The following RARB variants were observed in gnomAD, a reference collection of about 807,000 sequenced individuals.
RARB encodes HBV-activated protein.
A neutral mutation model predicts 51.9 loss-of-function variants in RARB; 17 were observed. That is an observed-to-expected ratio of 0.33 (90% CI 0.22 to 0.49). The LOEUF (loss-of-function observed/expected upper bound fraction) is 0.49, where lower values mean the gene tolerates loss of function less well. Among genes scored for constraint, RARB ranks in the 20% least tolerant of loss-of-function variants. The pLI, the probability that RARB is intolerant of heterozygous loss-of-function variation, is 0.99. For synonymous variants in RARB, 215 were observed against 195.4 expected (o/e 1.10, Z -0.84); for missense variants, 369 against 550.8 (o/e 0.67, Z 3.30).
intron 2 of RARB, among the ~76,000 whole-genome samples, chr3:24,928,157 G>A (rs1265407359): frequency 6.6e-6 from 1 of 151,930 alleles, no homozygotes; most frequent in Admixed American, 6.6e-5. Flanking sequence ...TATGCCATTG[G>A]AAGTCAGCAG....
intron 2 of RARB, among the ~76,000 whole-genome samples, chr3:25,049,000 C>T (rs1294559890): frequency 6.6e-6 from 1 of 152,134 alleles, no homozygotes; most frequent in Non-Finnish European, 1.5e-5. Context: ...GATCCACCTG[C>T]CTCGGCCTCC....
intron 1 of RARB, among the ~76,000 whole-genome samples, chr3:24,840,399 C>A (rs932889306): frequency 2.6e-5 from 4 of 152,168 alleles, no homozygotes; most frequent in Non-Finnish European, 4.4e-5. Context: ...CTATTGCCCC[C>A]TTAGCTGAGG....
At chr3:25,263,812 T>G (rs569971965) in intron 5 of RARB, among the ~76,000 whole-genome samples, 37 of 152,320 alleles carry the variant, frequency 2.4e-4, no homozygotes, top group African/African-American at 8.9e-4. Flanking sequence ...TTACAGCATC[T>G]GCCTTTGATG....
intron 5 of RARB, among the ~76,000 whole-genome samples, chr3:25,356,988 T>C (rs1559369981): frequency 3.9e-5 from 6 of 152,196 alleles, no homozygotes; most frequent in Admixed American, 2.6e-4. Context: ...TGTGCATGTG[T>C]CTTTGTAGTA....
At chr3:24,861,666 A>G (rs1702750852) in intron 2 of RARB, among the ~76,000 whole-genome samples, 1 of 151,486 alleles carries the variant, frequency 6.6e-6, no homozygotes, top group Admixed American at 6.6e-5. Context: ...TTTCCCCCAC[A>G]GTTCTGTAGG....
chr3:24,862,755 A>G lies in RARB; in HGVS notation c.-380+4003A>G, dbSNP rs138392601. 5.3e-3 allele frequency among the ~76,000 whole-genome samples: 802 copies of G among 152,324 alleles called. 8 individuals are homozygous for G. Among genetic ancestry groups the G allele is most frequent in the African/African-American group, 0.018 (738 of 41,570 alleles). ...GAGGGGGCTACTCTACTAAACCTGA[A>G]GTAGAATTAAGATATCATCTTTATA... On this transcript the variant is annotated intron_variant, in intron 2 of 11. Coordinates refer to the RARB transcript ENST00000383772.
Position 25,597,516 on chromosome 3 carries a change from G to T in RARB, c.*900G>T, listed in dbSNP as rs1472423455. 2 of 152,622 alleles carry T rather than the reference G, an allele frequency of 1.3e-5. No homozygotes were observed. The highest frequency in any genetic ancestry group is 4.8e-5 in the African/African-American group (2 of 41,446). The allele number at this position is 152,622 out of a possible 1,614,324, so 9.5% of individuals were successfully genotyped here. ...TCACAAGCCATTAGGGAAATTTCAT[G>T]GGATAATTAGCAGGCTGGTCTACCA... is the stretch of plus-strand genomic sequence containing the variant. On this transcript the variant is annotated 3_prime_UTR_variant, in exon 8 of 8. Coordinates refer to ENST00000330688, the MANE Select transcript of RARB (RefSeq NM_000965.5).
intron 3 of RARB, among the ~76,000 whole-genome samples, chr3:25,532,191 A>G (rs561649966): frequency 1.9e-4 from 29 of 152,344 alleles, no homozygotes; most frequent in African/African-American, 6.0e-4. Flanking sequence ...TAGAAAGTCT[A>G]CACATTCCAT....
Position 24,917,608 on chromosome 3 carries a change from G to GCAAC in RARB, c.-380+58858_-380+58861dup, listed in dbSNP as rs773079452. ...TACAGTGGTGCGATCTCTGCTCACT[G>GCAAC]CAACCTCTGCCTCCTGGGTTCAAGC... is the stretch of plus-strand genomic sequence containing the variant. On this transcript the variant is annotated intron_variant, in intron 2 of 11. Coordinates refer to the RARB transcript ENST00000383772. Among the ~76,000 whole-genome samples, 537 of 152,302 alleles carry GCAAC rather than the reference G, an allele frequency of 3.5e-3. 6 individuals are homozygous for GCAAC. Among genetic ancestry groups the GCAAC allele is most frequent in the Non-Finnish European group, 8.1e-4 (55 of 68,028 alleles).
At chr3:25,153,768 C>G (rs1010706308) in intron 4 of RARB, among the ~76,000 whole-genome samples, 2 of 152,110 alleles carry the variant, frequency 1.3e-5, no homozygotes, top group South Asian at 4.2e-4. Context: ...ATAACTTGCC[C>G]AGCCCTGTTT....
chr3:25,266,631 T>G (rs1468199911), intron 5 of RARB, among the ~76,000 whole-genome samples: 1 of 152,198 alleles, frequency 6.6e-6, no homozygotes, highest in Non-Finnish European at 1.5e-5. Context: ...CCCTGCAAAA[T>G]TCCTGTGTTG....
intron 4 of RARB, among the ~76,000 whole-genome samples, chr3:25,154,420 C>G (rs1350383135): frequency 2.0e-5 from 3 of 152,174 alleles, no homozygotes; most frequent in Non-Finnish European, 4.4e-5. Context: ...CTGTGCTACC[C>G]TCATTAATGT....
At chr3:25,132,836 T>G (rs1699974688) in intron 4 of RARB, among the ~76,000 whole-genome samples, 1 of 151,958 alleles carries the variant, frequency 6.6e-6, no homozygotes, top group Non-Finnish European at 1.5e-5. Context: ...TTGTACCCCA[T>G]AAATATATAT....
chr3:25,342,015 G>T (rs955931173), intron 5 of RARB, among the ~76,000 whole-genome samples: 6 of 152,148 alleles, frequency 3.9e-5, no homozygotes, highest in Non-Finnish European at 7.4e-5. Context: ...TATGTATCTT[G>T]TTCCCCATTG....
At chr3:25,173,697 G>T (rs944876991) in intron 4 of RARB, among the ~76,000 whole-genome samples, 29 of 152,134 alleles carry the variant, frequency 1.9e-4, no homozygotes, top group Non-Finnish European at 4.0e-4. Context: ...CATACTCAGG[G>T]TCTATCCCTT....
intron 5 of RARB, among the ~76,000 whole-genome samples, chr3:25,322,399 A>G (rs1298784860): frequency 6.6e-6 from 1 of 152,226 alleles, no homozygotes; most frequent in African/African-American, 2.4e-5. Flanking sequence ...ATGAAATGCA[A>G]GAGCTAGAAA....
At chr3:24,932,081 G>T (rs1695453115) in intron 2 of RARB, among the ~76,000 whole-genome samples, 1 of 152,096 alleles carries the variant, frequency 6.6e-6, no homozygotes. Context: ...AACTTGGGGA[G>T]CCTGCTTGGA....
chr3:25,321,716 C>T (rs1704575144), intron 5 of RARB, among the ~76,000 whole-genome samples: 1 of 151,136 alleles, frequency 6.6e-6, no homozygotes, highest in Non-Finnish European at 1.5e-5. Context: ...GACTCCATCT[C>T]AAAAAATAAA....
chr3:25,284,519 A>G (rs1453345207), intron 5 of RARB, among the ~76,000 whole-genome samples: 2 of 152,194 alleles, frequency 1.3e-5, no homozygotes, highest in African/African-American at 4.8e-5. Flanking sequence ...TTATTACTCA[A>G]AGCTGAGTGG....
Sources: gnomAD v4.1 joint callset for allele counts (sites outside exome capture counted in the v4.1 genomes callset) on GRCh38, gnomAD v4.1.1 for gene constraint, MANE v1.5 for transcripts, NCBI Gene and HGNC (gene_info 2026-07-23, HGNC 2026-07-21) for gene names.